FHL2: variants seen among roughly 807,000 people sequenced by gnomAD.
The protein encoded by FHL2 is four and a half LIM domains protein 2.
Under a neutral mutation model 32.7 loss-of-function variants are expected in FHL2, and 20 were observed. The observed-to-expected ratio is 0.61, with a 90% confidence interval of 0.43 to 0.89. FHL2 has a LOEUF of 0.89. Ranked by LOEUF, FHL2 falls within the 40% of genes least tolerant of loss-of-function variation. The probability of loss-of-function intolerance (pLI) is 0.00; values close to 1 mark genes in which losing one functional copy is unlikely to be tolerated. For missense variants in FHL2, 311 were observed against 358.6 expected, an observed-to-expected ratio of 0.87 and a Z score of 1.07; for synonymous variants, 123 against 128.1, an observed-to-expected ratio of 0.96 and a Z score of 0.27.
chr2:105,390,979 A>ATG (rs200723734), intron 2 of FHL2, among the ~76,000 whole-genome samples: 1,931 of 148,912 alleles, frequency 0.013, 46 homozygotes, highest in African/African-American at 0.045. Flanking sequence ...GTGTGTGTGT[A>ATG]TGTGTGTGTG....
chr2:105,364,076 G>A (rs1680470109), intron 5 of FHL2, among the ~76,000 whole-genome samples: 1 of 152,082 alleles, frequency 6.6e-6, no homozygotes, highest in Non-Finnish European at 1.5e-5. Flanking sequence ...GGCCAACATG[G>A]CGAAACCCCA....
rs536194909 is a variant in FHL2 at position 105,424,604 on chromosome 2, A to G, written c.-25+13795T>C. Among the ~76,000 whole-genome samples the G allele has an allele frequency of 9.2e-5, 14 of 152,368 alleles. No individual in the cohort carries two copies. In the East Asian group the frequency reaches 2.7e-3, roughly 29 times the overall value. On this transcript the variant is annotated intron_variant, in intron 1 of 5. Transcript: ENST00000393352. Reference sequence around the variant, plus strand: ...TATGTTTATTGTGGCACTGTTCACAATAGCAAAGACTTGGAACCAACCCAA... The same window carrying G: ...TATGTTTATTGTGGCACTGTTCACAGTAGCAAAGACTTGGAACCAACCCAA...
intron 1 of FHL2, among the ~76,000 whole-genome samples, chr2:105,416,379 T>C (rs1479435164): frequency 6.6e-6 from 1 of 152,360 alleles, no homozygotes; most frequent in East Asian, 1.9e-4. Context: ...GTGGTTTTGG[T>C]TGAAATTTAT....
At chr2:105,420,583 A>G (rs1489236339) in intron 1 of FHL2, among the ~76,000 whole-genome samples, 1 of 152,142 alleles carries the variant, frequency 6.6e-6, no homozygotes, top group East Asian at 1.9e-4. Flanking sequence ...AGAATCTAAC[A>G]GATGTGGGGC....
intron 5 of FHL2, 27 bp from the exon 6 acceptor site, chr2:105,363,498 G>C: frequency 6.4e-7 from 1 of 1,574,178 alleles, no homozygotes; most frequent in Non-Finnish European, 8.6e-7. Flanking sequence ...GAGAGTTAGT[G>C]TGGCCTCTGT....
At chr2:105,414,635 C>A (rs1008995606) in intron 1 of FHL2, among the ~76,000 whole-genome samples, 1 of 152,236 alleles carries the variant, frequency 6.6e-6, no homozygotes, top group Non-Finnish European at 1.5e-5. Context: ...TCACTGCAAC[C>A]TCTGTCTCCT....
chr2:105,436,374 A>G (rs761889064), intron 1 of FHL2, among the ~76,000 whole-genome samples: 5 of 152,126 alleles, frequency 3.3e-5, no homozygotes, highest in African/African-American at 4.8e-5. Context: ...TCTTATCTAA[A>G]TCTTTATCCT....
At chr2:105,428,854 T>C (rs1684340352) in intron 1 of FHL2, among the ~76,000 whole-genome samples, 1 of 152,246 alleles carries the variant, frequency 6.6e-6, no homozygotes, top group Non-Finnish European at 1.5e-5. Flanking sequence ...ACAGACACCC[T>C]GTTGGATGGG....
rs142018637 is a variant in FHL2 at position 105,378,292 on chromosome 2, A to G, written c.157-4559T>C. Reference sequence around the variant, plus strand: ...CCCTCTAAATGTGGATATTATCCACATGTTACTGGACTAAGCATCCATGCA... The same window carrying G: ...CCCTCTAAATGTGGATATTATCCACGTGTTACTGGACTAAGCATCCATGCA... On this transcript the variant is annotated intron_variant, in intron 3 of 6. Transcript: ENST00000530340. The G allele has an allele frequency of 7.0e-6, 3 of 429,136 alleles. 1 individual carries two copies. Among genetic ancestry groups the G allele is most frequent in the South Asian group, 5.4e-5 (3 of 55,642 alleles). 26.6% of individuals were successfully genotyped at this position (429,136 alleles called of 1,614,324 possible). A position where few individuals can be genotyped will look rare whatever the true frequency, so the allele number is the denominator to read the frequency against.
intron 3 of FHL2, chr2:105,376,106 A>T (rs1250885163): frequency 6.6e-6 from 1 of 152,190 alleles, no homozygotes; most frequent in Non-Finnish European, 1.5e-5. Flanking sequence ...ACTAGTGATG[A>T]CCATCATTAC....
chr2:105,407,251 A>G (rs1380402535), intron 1 of FHL2, among the ~76,000 whole-genome samples: 4 of 151,890 alleles, frequency 2.6e-5, no homozygotes, highest in Non-Finnish European at 4.4e-5. Context: ...AATTAGCTGG[A>G]CGTGGTGGCG....
chr2:105,399,095 AT>A, upstream of FHL2: 1 of 1,481,436 alleles, frequency 6.8e-7, no homozygotes, highest in Non-Finnish European at 8.9e-7. Context: ...CCGCCGTGTC[AT>A]TTGACCATAT....
chr2:105,438,340 A>G (rs1006218191), intron 1 of FHL2: 2 of 984,114 alleles, frequency 2.0e-6, no homozygotes, highest in Non-Finnish European at 2.4e-6. Context: ...TGCTGCAGAG[A>G]CAGGCTGGGA....
At chr2:105,366,275 C>G (rs17030817) in intron 5 of FHL2, among the ~76,000 whole-genome samples, 3,866 of 152,146 alleles carry the variant, frequency 0.025, 177 homozygotes, top group African/African-American at 0.089. Context: ...ATACTCAGCA[C>G]TTAGAAAAGG....
intron 4 of FHL2, among the ~76,000 whole-genome samples, chr2:105,370,543 T>G (rs939113237): frequency 1.3e-5 from 2 of 152,020 alleles, no homozygotes; most frequent in Non-Finnish European, 2.9e-5. Flanking sequence ...GTATTCCAGT[T>G]TCCTGATTGG....
At chr2:105,371,721 T>A (rs1231315630) in intron 4 of FHL2, among the ~76,000 whole-genome samples, 1 of 152,184 alleles carries the variant, frequency 6.6e-6, no homozygotes, top group Non-Finnish European at 1.5e-5. Flanking sequence ...GTGCTAACAG[T>A]TAAAGTCTTT....
At chr2:105,415,579 G>A (rs1683908975) in intron 1 of FHL2, among the ~76,000 whole-genome samples, 1 of 152,218 alleles carries the variant, frequency 6.6e-6, no homozygotes, top group South Asian at 2.1e-4. Flanking sequence ...AACAGAGATT[G>A]AAGGTGGCTT....
At chr2:105,415,397 GA>G (rs755735067) in intron 1 of FHL2, among the ~76,000 whole-genome samples, 22 of 152,188 alleles carry the variant, frequency 1.4e-4, no homozygotes, top group Non-Finnish European at 2.6e-4. Context: ...GAGGGAGGGG[GA>G]AAATTACTTT....
At chr2:105,435,955 CT>C (rs1684596890) in intron 1 of FHL2, among the ~76,000 whole-genome samples, 1 of 152,102 alleles carries the variant, frequency 6.6e-6, no homozygotes, top group South Asian at 2.1e-4. Context: ...GCATTGTTGC[CT>C]TGATATGGTC....
Sources: allele counts gnomAD v4.1 joint callset (sites outside exome capture counted in the v4.1 genomes callset), GRCh38; gene constraint gnomAD v4.1.1; transcripts MANE v1.5; gene names NCBI Gene and HGNC (gene_info 2026-07-23, HGNC 2026-07-21).